The following MGAT5 variants were observed in gnomAD, a reference collection of about 807,000 sequenced individuals.
MGAT5 encodes the protein alpha-1,6-mannosylglycoprotein 6-beta-N-acetylglucosaminyltransferase.
MGAT5 carries 30 observed loss-of-function variants against 94.3 expected under a neutral mutation model. That is an observed-to-expected ratio of 0.32 (90% CI 0.24 to 0.43). MGAT5 has a LOEUF of 0.43. MGAT5 is among the 20% of genes least tolerant of loss of function. The pLI is 1.00. For missense variants in MGAT5, 691 were observed against 905.5 expected, an observed-to-expected ratio of 0.76 and a Z score of 3.04; for synonymous variants, 310 against 322.9, an observed-to-expected ratio of 0.96 and a Z score of 0.43.
intron 1 of MGAT5, among the ~76,000 whole-genome samples, chr2:134,224,585 A>G (rs1680958185): frequency 6.6e-6 from 1 of 152,176 alleles, no homozygotes; most frequent in Admixed American, 6.5e-5. Context: ...AAAGGATAGG[A>G]ACACACACCT....
chr2:134,183,564 T>C (rs1371674660), intron 1 of MGAT5, among the ~76,000 whole-genome samples: 1 of 152,236 alleles, frequency 6.6e-6, no homozygotes, highest in Non-Finnish European at 1.5e-5. Flanking sequence ...TAGTCTTGTC[T>C]ATAGAAACTG....
chr2:134,172,397 T>G (rs946263738), intron 1 of MGAT5, among the ~76,000 whole-genome samples: 1 of 151,826 alleles, frequency 6.6e-6, no homozygotes, highest in Non-Finnish European at 1.5e-5. Flanking sequence ...TTTTAATTAA[T>G]TATTTTTCAG....
rs145468555 is a variant in MGAT5, at chr2:134,161,733, A to G, written c.-143+41442A>G. On this transcript the variant is annotated intron_variant, in intron 1 of 16. Transcript: ENST00000409645. ...CGAGTTCAATCTGGATTTTTCTCTC[A>G]GCACTTCCGGCTCTCCTTTTGTTAG... 2.4e-3 allele frequency among the ~76,000 whole-genome samples: 372 copies of G among 152,212 alleles called. 2 individuals are homozygous for G. Among genetic ancestry groups the G allele is most frequent in the African/African-American group, 8.1e-3 (335 of 41,502 alleles).
intron 1 of MGAT5, among the ~76,000 whole-genome samples, chr2:134,135,110 T>C (rs1317009223): frequency 6.6e-6 from 1 of 152,224 alleles, no homozygotes; most frequent in African/African-American, 2.4e-5. Flanking sequence ...CTGGCCCAGC[T>C]AATTGCATAT....
intron 1 of MGAT5, among the ~76,000 whole-genome samples, chr2:134,205,298 C>G (rs1261103339): frequency 6.6e-6 from 1 of 152,108 alleles, no homozygotes; most frequent in Non-Finnish European, 1.5e-5. Flanking sequence ...GGGGCTAGAG[C>G]AGGCAGGAAG....
chr2:134,127,536 A>C (rs1685903940), intron 1 of MGAT5, among the ~76,000 whole-genome samples: 1 of 129,966 alleles, frequency 7.7e-6, no homozygotes, highest in Non-Finnish European at 1.6e-5. Flanking sequence ...CAAAACAAAA[A>C]AAGAAACATG....
At chr2:134,428,046 G>T (rs1458867360) in intron 13 of MGAT5, among the ~76,000 whole-genome samples, 1 of 152,228 alleles carries the variant, frequency 6.6e-6, no homozygotes, top group African/African-American at 2.4e-5. Flanking sequence ...TCCATCTTTT[G>T]TTGAATGCCC....
At chr2:134,213,841 T>C (rs2105325863) in intron 1 of MGAT5, among the ~76,000 whole-genome samples, 1 of 152,326 alleles carries the variant, frequency 6.6e-6, no homozygotes, top group Non-Finnish European at 1.5e-5. Flanking sequence ...TCTTGGCGCA[T>C]GGTTGTGTTC....
chr2:134,417,671 C>T (rs530461316), intron 12 of MGAT5, among the ~76,000 whole-genome samples: 4 of 151,996 alleles, frequency 2.6e-5, no homozygotes, highest in African/African-American at 7.2e-5. Flanking sequence ...ACTGATTGAC[C>T]CCAGGTTTCT....
At chr2:134,121,323 C>A (rs1045011703) in intron 1 of MGAT5, among the ~76,000 whole-genome samples, 2 of 152,232 alleles carry the variant, frequency 1.3e-5, no homozygotes, top group African/African-American at 2.4e-5. Flanking sequence ...GTGCCCGGAC[C>A]TGGCGCGGCG....
chr2:134,382,473 G>A (rs2106210143), intron 10 of MGAT5, among the ~76,000 whole-genome samples: 1 of 152,150 alleles, frequency 6.6e-6, no homozygotes, highest in East Asian at 1.9e-4. Flanking sequence ...GAAAATCATG[G>A]GTGGAACTCG....
chr2:134,204,161 T>C (rs1679925317), intron 1 of MGAT5, among the ~76,000 whole-genome samples: 1 of 152,210 alleles, frequency 6.6e-6, no homozygotes, highest in Admixed American at 6.5e-5. Flanking sequence ...ATGCTAGCGC[T>C]CATTTCATGC....
intron 1 of MGAT5, among the ~76,000 whole-genome samples, chr2:134,189,171 A>G (rs1295340964): frequency 3.9e-5 from 6 of 152,160 alleles, no homozygotes; most frequent in African/African-American, 4.8e-5. Flanking sequence ...CACATGGCCA[A>G]TGATTCAATT....
chr2:134,409,829 G>A (rs1248605304), intron 11 of MGAT5, among the ~76,000 whole-genome samples: 1 of 152,134 alleles, frequency 6.6e-6, no homozygotes, highest in Non-Finnish European at 1.5e-5. Flanking sequence ...GTGTAGGAAC[G>A]TCCCAATCCT....
intron 1 of MGAT5, among the ~76,000 whole-genome samples, chr2:134,182,371 C>A (rs1688774516): frequency 6.6e-6 from 1 of 152,124 alleles, no homozygotes; most frequent in Non-Finnish European, 1.5e-5. Context: ...TATGTTATTT[C>A]TGTTGATCTG....
chr2:134,320,238 G>A (rs922325046), intron 4 of MGAT5, among the ~76,000 whole-genome samples: 1 of 152,168 alleles, frequency 6.6e-6, no homozygotes, highest in African/African-American at 2.4e-5. Flanking sequence ...CTCAGAAACA[G>A]CCAGAGGGAA....
At chr2:134,339,398 A>G (rs1248204716) in intron 6 of MGAT5, among the ~76,000 whole-genome samples, 2 of 152,232 alleles carry the variant, frequency 1.3e-5, no homozygotes, top group East Asian at 3.8e-4. Context: ...CTATGTATAC[A>G]TAAAGATATA....
At chr2:134,145,245 T>TGTGTGTGTG (rs1558955417) in intron 1 of MGAT5, among the ~76,000 whole-genome samples, 7 of 152,028 alleles carry the variant, frequency 4.6e-5, no homozygotes, top group South Asian at 2.1e-4. Context: ...TGTGTGTGTG[T>TGTGTGTGTG]TTAAAGAACC....
chr2:134,264,564 C>T (rs929197713), intron 1 of MGAT5, among the ~76,000 whole-genome samples: 4 of 152,168 alleles, frequency 2.6e-5, no homozygotes, highest in East Asian at 3.9e-4. Context: ...TCTGTAATAA[C>T]GCTATTTTAT....
Sources: allele counts gnomAD v4.1 joint callset (sites outside exome capture counted in the v4.1 genomes callset), GRCh38; gene constraint gnomAD v4.1.1; transcripts MANE v1.5; gene names NCBI Gene and HGNC (gene_info 2026-07-23, HGNC 2026-07-21).